NFIA: variants seen among roughly 807,000 people sequenced by gnomAD.
NFIA encodes the protein nuclear factor I A.
In NFIA, 8 loss-of-function variants were observed where a neutral mutation model predicts 62.8. The observed-to-expected ratio is 0.13, with a 90% CI of 0.07 to 0.23. NFIA has a LOEUF of 0.23. NFIA is among the 10% of genes least tolerant of loss of function. NFIA has a pLI of 1.00. For missense variants in NFIA, 410 were observed against 642.1 expected (o/e 0.64, Z 3.91); for synonymous variants, 235 against 238.1 (o/e 0.99, Z 0.12).
intron 3 of NFIA, among the ~76,000 whole-genome samples, chr1:61,325,643 G>A (rs921224877): frequency 2.6e-5 from 4 of 152,192 alleles, no homozygotes; most frequent in Non-Finnish European, 5.9e-5. Context: ...AGAAGGCTAG[G>A]CGTGGTGGCT....
intron 6 of NFIA, among the ~76,000 whole-genome samples, chr1:61,371,249 G>C (rs1663870974): frequency 6.6e-6 from 1 of 152,168 alleles, no homozygotes; most frequent in African/African-American, 2.4e-5. Flanking sequence ...GGATGCTTAA[G>C]AATGCTTTTC....
intron 10 of NFIA, among the ~76,000 whole-genome samples, chr1:61,445,870 G>A (rs1389999667): frequency 6.6e-6 from 1 of 152,118 alleles, no homozygotes; most frequent in African/African-American, 2.4e-5. Context: ...CTGTTTTGCA[G>A]AAAAGTTAAA....
At chr1:61,225,553 C>CTTTTTTTTT (rs71244590) in intron 2 of NFIA, among the ~76,000 whole-genome samples, 1 of 122,592 alleles carries the variant, frequency 8.2e-6, no homozygotes. Flanking sequence ...CCAGCTCGTA[C>CTTTTTTTTT]TTTTTTTTTT....
At chr1:61,330,453 A>ACACACG (rs1661242584) in intron 3 of NFIA, among the ~76,000 whole-genome samples, 1 of 113,072 alleles carries the variant, frequency 8.8e-6, no homozygotes, top group African/African-American at 3.1e-5. Flanking sequence ...CCACACACAC[A>ACACACG]CACACACGCA....
intron 2 of NFIA, among the ~76,000 whole-genome samples, chr1:61,222,262 A>G (rs1654061471): frequency 6.6e-6 from 1 of 152,134 alleles, no homozygotes; most frequent in South Asian, 2.1e-4. Flanking sequence ...ATGATGTAAA[A>G]TATTAAATCT....
At chr1:61,103,032 A>G (rs985253329) in intron 2 of NFIA, among the ~76,000 whole-genome samples, 1 of 152,202 alleles carries the variant, frequency 6.6e-6, no homozygotes, top group African/African-American at 2.4e-5. Context: ...TGTAATCAAA[A>G]CAGTAGGTAC....
chr1:61,453,443 C>CTTTTTTTTTTTTTTTTTTTTTTTTT (rs11336299), intron 10 of NFIA, among the ~76,000 whole-genome samples: 4 of 78,870 alleles, frequency 5.1e-5, no homozygotes, highest in Non-Finnish European at 6.8e-5. Context: ...TGTGAAGAAA[C>CTTTTTTTTTTTTTTTTTTTTTTTTT]TTTTTTTTTT....
Position 61,392,923 on chromosome 1 carries a change from G to T in NFIA, c.1075+9558G>T, listed in dbSNP as rs56082016. Among the ~76,000 whole-genome samples the T allele has an allele frequency of 2.3e-3, 343 of 152,160 alleles. 1 individual carries two copies. Among genetic ancestry groups the T allele is most frequent in the Middle Eastern group, 0.01 (3 of 294 alleles). On this transcript the variant is annotated intron_variant, in intron 7 of 10. Coordinates refer to ENST00000403491, the MANE Select transcript of NFIA (RefSeq NM_001134673.4). ...TTCTCTCTGTCCCTCTCAGTCACAC[G>T]CAGGCCTATGTGTCCCAGTGGTGCA...
rs1553168465 is a variant in NFIA, at chr1:61,283,594, A to AAAAAAAAAG, written c.625+6017_625+6018insGAAAAAAAA. ...GAGACTCTGTCTCAAAAAAAAAAAA[A>AAAAAAAAAG]AAAAAAAAAAAAAAGATTTATGTGT... On this transcript the variant is annotated intron_variant, in intron 3 of 10. Coordinates refer to ENST00000403491, the MANE Select transcript of NFIA (RefSeq NM_001134673.4). 7.8e-4 allele frequency among the ~76,000 whole-genome samples: 86 copies of AAAAAAAAAG among 110,110 alleles called. 7 individuals are homozygous for AAAAAAAAAG. Among genetic ancestry groups the AAAAAAAAAG allele is most frequent in the East Asian group, 4.6e-3 (15 of 3,290 alleles). The allele number at this position is 110,110 out of a possible 152,430, so 72.2% of individuals were successfully genotyped here. A position where few individuals can be genotyped will look rare whatever the true frequency, so the allele number is the denominator to read the frequency against.
intron 2 of NFIA, among the ~76,000 whole-genome samples, chr1:61,195,252 G>A (rs774463373): frequency 4.6e-5 from 7 of 152,034 alleles, no homozygotes; most frequent in Non-Finnish European, 7.4e-5. Context: ...GGATTCCTTT[G>A]TCAAAACTGC....
At chr1:61,245,521 T>C (rs897314114) in intron 2 of NFIA, among the ~76,000 whole-genome samples, 2 of 152,152 alleles carry the variant, frequency 1.3e-5, no homozygotes. Flanking sequence ...TTATTTTTCA[T>C]AAATCTTTCA....
intron 4 of NFIA, among the ~76,000 whole-genome samples, chr1:61,334,618 A>G (rs1661503327): frequency 1.5e-5 from 2 of 131,624 alleles, no homozygotes; most frequent in East Asian, 2.3e-4. Context: ...TATATGTATC[A>G]GACCATACCA....
intron 2 of NFIA, among the ~76,000 whole-genome samples, chr1:61,259,883 G>A (rs1656649406): frequency 1.3e-5 from 2 of 152,220 alleles, no homozygotes; most frequent in Non-Finnish European, 2.9e-5. Flanking sequence ...TTGCCGTGCA[G>A]TTGAGAAGAG....
At chr1:61,198,316 A>T (rs1219182306) in intron 2 of NFIA, among the ~76,000 whole-genome samples, 2 of 152,208 alleles carry the variant, frequency 1.3e-5, no homozygotes, top group African/African-American at 4.8e-5. Flanking sequence ...CTTCCAATCT[A>T]TGCAAATCAG....
chr1:61,391,473 CACACACACACACACAG>C (rs1450469912), intron 7 of NFIA, among the ~76,000 whole-genome samples: 1 of 149,630 alleles, frequency 6.7e-6, no homozygotes, highest in Non-Finnish European at 1.5e-5. Flanking sequence ...CACACACACA[CACACACACACACACAG>C]GCAGTTTAGA....
intron 3 of NFIA, among the ~76,000 whole-genome samples, chr1:61,309,891 G>A (rs2806437): frequency 0.56 from 84,649 of 152,058 alleles, 25,373 homozygotes; most frequent in South Asian, 0.76. Flanking sequence ...GCCGTCTCCA[G>A]AAATAAATAA....
At chr1:61,326,593 C>A (rs1660949222) in intron 3 of NFIA, among the ~76,000 whole-genome samples, 1 of 152,178 alleles carries the variant, frequency 6.6e-6, no homozygotes, top group Admixed American at 6.6e-5. Flanking sequence ...GAAGATACTT[C>A]CCCTCCTCAG....
intron 3 of NFIA, among the ~76,000 whole-genome samples, chr1:61,304,948 G>A (rs1162087712): frequency 6.6e-6 from 1 of 152,134 alleles, no homozygotes; most frequent in African/African-American, 2.4e-5. Flanking sequence ...TTAAGGGAGG[G>A]TACTCATCAA....
intron 2 of NFIA, among the ~76,000 whole-genome samples, chr1:61,192,790 G>C (rs759423806): frequency 3.3e-5 from 5 of 152,024 alleles, no homozygotes; most frequent in Non-Finnish European, 5.9e-5. Flanking sequence ...TGTAAGTGCC[G>C]AAGCACCAAG....
Sources: gnomAD v4.1 joint callset for allele counts (sites outside exome capture counted in the v4.1 genomes callset) on GRCh38, gnomAD v4.1.1 for gene constraint, MANE v1.5 for transcripts, NCBI Gene and HGNC (gene_info 2026-07-23, HGNC 2026-07-21) for gene names.